ANKMY2: variants seen among roughly 807,000 people sequenced by gnomAD.
ANKMY2 encodes the protein ankyrin repeat and MYND domain containing 2, also known as ankyrin repeat and MYND domain-containing protein 2.
A neutral mutation model predicts 50.4 loss-of-function variants in ANKMY2; 36 were observed. The ratio of observed to expected loss-of-function variants is 0.71; its 90% confidence interval spans 0.55 to 0.94. The LOEUF (loss-of-function observed/expected upper bound fraction) is 0.94. Among genes scored for constraint, ANKMY2 ranks in the 40% least tolerant of loss-of-function variants. The probability of loss-of-function intolerance (pLI) is 0.00; values close to 1 mark genes in which losing one functional copy is unlikely to be tolerated. For synonymous variants in ANKMY2, 187 were observed against 178.8 expected (o/e 1.05, Z -0.36); for missense variants, 565 against 524.0 (o/e 1.08, Z -0.76).
intron 6 of ANKMY2, 41 bp downstream of exon 6, chr7:16,610,508 C>A: frequency 1.3e-6 from 2 of 1,489,968 alleles, no homozygotes; most frequent in South Asian, 2.5e-5. Flanking sequence ...AAAAAATATT[C>A]ACTTGAGTGT....
rs567312597 is a variant in ANKMY2 at position 16,607,106 on chromosome 7, C to G, written c.883-2257G>C. Among the ~76,000 whole-genome samples, 6 of 152,246 alleles carry G rather than the reference C, an allele frequency of 3.9e-5. No homozygotes were observed. In the South Asian group the frequency reaches 1.2e-3, roughly 32 times the overall value. ...TAGGCAGTAAACAATGGCTGTGATA[C>G]GCACAATCACAGGCATTTGGGATGA... On this transcript the variant is annotated intron_variant, in intron 7 of 9. Transcript: ENST00000306999.
intron 1 of ANKMY2, chr7:16,644,760 G>A (rs1425732286): frequency 2.1e-6 from 1 of 469,888 alleles, no homozygotes; most frequent in East Asian, 7.0e-5. Flanking sequence ...ATGGCTTCTG[G>A]CTCGTCCTCG....
At chr7:16,643,239 G>C (rs1443613717) in intron 1 of ANKMY2, among the ~76,000 whole-genome samples, 1 of 152,094 alleles carries the variant, frequency 6.6e-6, no homozygotes, top group African/African-American at 2.4e-5. Context: ...AGACCTGCAT[G>C]GTTAACCACT....
At chr7:16,643,395 T>C (rs892638824) in intron 1 of ANKMY2, among the ~76,000 whole-genome samples, 1 of 152,224 alleles carries the variant, frequency 6.6e-6, no homozygotes, top group Non-Finnish European at 1.5e-5. Flanking sequence ...GTTTTTCTCA[T>C]ATCTCCCATT....
At position 16,605,532 on chromosome 7, in the gene ANKMY2, CTG is replaced by C. The variant is rs1781141841; in HGVS notation, c.883-685_883-684del. On this transcript the variant is annotated intron_variant, in intron 7 of 9. Transcript: ENST00000306999. ...TTTTTATTTTTTTGAGATGGAGTCT[CTG>C]TCACCCGGCTGGAGGTGCAGTGGCT... Among the ~76,000 whole-genome samples the C allele has an allele frequency of 2.0e-5, 3 of 152,068 alleles. No homozygotes were observed. In the South Asian group the frequency reaches 6.2e-4, roughly 32 times the overall value.
intron 2 of ANKMY2, among the ~76,000 whole-genome samples, chr7:16,633,658 T>C (rs1583683613): frequency 6.6e-6 from 1 of 152,314 alleles, no homozygotes; most frequent in South Asian, 2.1e-4. Flanking sequence ...TAAGCTACAA[T>C]TTCCGTTATA....
chr7:16,609,294 T>C (rs905578639), intron 7 of ANKMY2, among the ~76,000 whole-genome samples: 8 of 152,176 alleles, frequency 5.3e-5, no homozygotes, highest in African/African-American at 1.9e-4. Flanking sequence ...TGTATGACTT[T>C]GTGCTGATAA....
chr7:16,616,030 G>T, intron 4 of ANKMY2, 126 bp from the exon 5 acceptor site: 1 of 834,152 alleles, frequency 1.2e-6, no homozygotes, highest in Non-Finnish European at 1.8e-6. Flanking sequence ...TTTCAGGAAA[G>T]GAGAGTAGAG....
At chr7:16,628,769 C>T (rs148896843) in intron 2 of ANKMY2, among the ~76,000 whole-genome samples, 40 of 152,096 alleles carry the variant, frequency 2.6e-4, no homozygotes, top group African/African-American at 7.0e-4. Flanking sequence ...TTTAGGACCC[C>T]GACTTCATCA....
At chr7:16,604,355 A>C (rs1302211728) in intron 8 of ANKMY2, among the ~76,000 whole-genome samples, 1 of 152,268 alleles carries the variant, frequency 6.6e-6, no homozygotes, top group African/African-American at 2.4e-5. Flanking sequence ...AGAAGAGTAA[A>C]GAATGTATAT....
chr7:16,628,788 G>GT (rs1449686751), intron 2 of ANKMY2, among the ~76,000 whole-genome samples: 1 of 152,008 alleles, frequency 6.6e-6, no homozygotes, highest in Non-Finnish European at 1.5e-5. Context: ...CATGGAGTTT[G>GT]TTTTTTTCTG....
intron 4 of ANKMY2, among the ~76,000 whole-genome samples, chr7:16,617,917 G>GTTTTTTT (rs780533044): frequency 9.0e-6 from 1 of 110,880 alleles, no homozygotes. Context: ...CAGTGAGCGT[G>GTTTTTTT]TTTTTTTTTT....
At chr7:16,603,620 G>T (rs1366857268) in intron 8 of ANKMY2, 2 of 471,124 alleles carry the variant, frequency 4.2e-6, no homozygotes, top group Non-Finnish European at 8.8e-6. Context: ...ATTCATCCTT[G>T]CATTCATACA....
intron 1 of ANKMY2, among the ~76,000 whole-genome samples, chr7:16,643,341 T>G (rs542961584): frequency 6.6e-6 from 1 of 152,218 alleles, no homozygotes; most frequent in South Asian, 2.1e-4. Flanking sequence ...TACTTAAAAT[T>G]ATGTGTGGCT....
At chr7:16,620,044 T>G (rs1376472734) in intron 4 of ANKMY2, among the ~76,000 whole-genome samples, 1 of 152,244 alleles carries the variant, frequency 6.6e-6, no homozygotes, top group Non-Finnish European at 1.5e-5. Flanking sequence ...AGGCAAAATA[T>G]GACTCACATT....
chr7:16,604,812 G>C lies in ANKMY2; in HGVS notation c.920C>G (p.Ala307Gly). Reference sequence around the variant, plus strand: ...CACAAAACCCACCTGGCCAGTGATGGCTTGGGTAAGGACGGAGAATGCAGT... The same window carrying C: ...CACAAAACCCACCTGGCCAGTGATGCCTTGGGTAAGGACGGAGAATGCAGT... The part of the protein sequence containing the change: ...DPTAFSVLTQ[A>G]ITGQVGFVDV... Residue 307 changes from alanine (A) to glycine (G), a missense_variant, in exon 8 of 10, where the codon GCC (alanine) becomes GGC (glycine). Ala to Gly is a moderately conservative substitution (Grantham distance 60). Coordinates refer to ENST00000306999, the MANE Select transcript of ANKMY2 (RefSeq NM_020319.3). 6.2e-7 allele frequency: 1 copy of C among 1,613,992 alleles called. No homozygotes were observed. The highest frequency in any genetic ancestry group is 8.5e-7 in the Non-Finnish European group (1 of 1,179,920).
chr7:16,612,047 G>A (rs1391275558), intron 5 of ANKMY2, among the ~76,000 whole-genome samples: 2 of 152,156 alleles, frequency 1.3e-5, no homozygotes, highest in East Asian at 1.9e-4. Context: ...TGTAAGACAA[G>A]AACTTGGATC....
intron 2 of ANKMY2, among the ~76,000 whole-genome samples, chr7:16,632,764 G>T (rs926708042): frequency 6.6e-6 from 1 of 152,088 alleles, no homozygotes; most frequent in African/African-American, 2.4e-5. Flanking sequence ...TTTCTCTTAA[G>T]TATATATATA....
At chr7:16,622,741 AAAATAAATGAATAAATAAAT>A (rs967941579) in intron 4 of ANKMY2, among the ~76,000 whole-genome samples, 9 of 114,482 alleles carry the variant, frequency 7.9e-5, no homozygotes, top group Non-Finnish European at 1.1e-4. Flanking sequence ...CTCCATCTCA[AAAATAAATGAATAAATAAAT>A]AAATAAATAA....
Sources: gnomAD v4.1 joint callset for allele counts (sites outside exome capture counted in the v4.1 genomes callset) on GRCh38, gnomAD v4.1.1 for gene constraint, MANE v1.5 for transcripts, NCBI Gene and HGNC (gene_info 2026-07-23, HGNC 2026-07-21) for gene names.